Variants in ANKRD44 observed in about 807,000 individuals in gnomAD.
ANKRD44 encodes ankyrin repeat domain 44, also known as serine/threonine-protein phosphatase 6 regulatory ankyrin repeat subunit B.
Under a neutral mutation model 116.0 loss-of-function variants are expected in ANKRD44, and 35 were observed. That is an observed-to-expected ratio of 0.30 (90% confidence interval 0.23 to 0.40). ANKRD44 has a LOEUF of 0.40. ANKRD44 is among the 10% of genes least tolerant of loss of function. ANKRD44 has a pLI of 1.00. For synonymous variants in ANKRD44, 435 were observed against 461.8 expected, an observed-to-expected ratio of 0.94 and a Z score of 0.74; for missense variants, 1,014 against 1,242.6, an observed-to-expected ratio of 0.82 and a Z score of 2.77.
chr2:197,107,357 G>T (rs964719110), intron 9 of ANKRD44, among the ~76,000 whole-genome samples: 6 of 152,174 alleles, frequency 3.9e-5, no homozygotes, highest in Non-Finnish European at 8.8e-5. Flanking sequence ...TCTGAGGGGG[G>T]TGCCTAGGGC....
chr2:197,215,091 G>GGGGCC (rs1224568360), intron 1 of ANKRD44, among the ~76,000 whole-genome samples: 1 of 152,100 alleles, frequency 6.6e-6, no homozygotes, highest in Non-Finnish European at 1.5e-5. Flanking sequence ...GGCCAGGCTG[G>GGGGCC]TCTCGAACTC....
chr2:197,009,803 G>C (rs1158426370), intron 18 of ANKRD44, among the ~76,000 whole-genome samples: 1 of 152,142 alleles, frequency 6.6e-6, no homozygotes, highest in Non-Finnish European at 1.5e-5. Context: ...CTTCCTAGCA[G>C]GGTGCATTGA....
At chr2:197,099,706 T>C (rs998108250) in intron 10 of ANKRD44, 110 bp downstream of exon 10, 12 of 1,475,526 alleles carry the variant, frequency 8.1e-6, no homozygotes, top group Non-Finnish European at 9.9e-6. Flanking sequence ...TATAATGGTA[T>C]AGATCCACCT....
At chr2:197,130,088 T>C (rs1032482990) in intron 4 of ANKRD44, among the ~76,000 whole-genome samples, 16 of 152,230 alleles carry the variant, frequency 1.1e-4, no homozygotes, top group African/African-American at 3.9e-4. Context: ...TTTACATTAC[T>C]CTGGGCTGAT....
chr2:197,310,275 C>T (rs1421246751), intron 1 of ANKRD44, among the ~76,000 whole-genome samples: 1 of 150,028 alleles, frequency 6.7e-6, no homozygotes, highest in Non-Finnish European at 1.5e-5. Context: ...ACCTCGAGCC[C>T]CCGGCCCCCT....
At chr2:197,275,568 G>T (rs1252622622) in intron 1 of ANKRD44, among the ~76,000 whole-genome samples, 4 of 152,006 alleles carry the variant, frequency 2.6e-5, no homozygotes, top group Non-Finnish European at 5.9e-5. Flanking sequence ...GCACCATGTT[G>T]GGGGGGTGGG....
intron 9 of ANKRD44, among the ~76,000 whole-genome samples, 189 bp downstream of exon 9, chr2:197,110,577 T>C (rs1225661360): frequency 2.0e-5 from 3 of 152,236 alleles, no homozygotes; most frequent in African/African-American, 7.2e-5. Context: ...TTTATGTTTT[T>C]ACTATTAAGG....
chr2:197,072,788 T>C (rs1267061964), intron 16 of ANKRD44, among the ~76,000 whole-genome samples: 2 of 152,222 alleles, frequency 1.3e-5, no homozygotes, highest in Non-Finnish European at 2.9e-5. Context: ...AGCTATTTAC[T>C]GAACCAGCGA....
rs553673678 is a variant in ANKRD44, at chr2:197,121,085, C to T, written c.906+247G>A. Among the ~76,000 whole-genome samples, 36 of 152,148 alleles carry T rather than the reference C, an allele frequency of 2.4e-4. No individual in the cohort carries two copies. The South Asian group carries it at 6.6e-3, about 28-fold the overall frequency. On this transcript the variant is annotated intron_variant, in intron 8 of 27. Coordinates refer to ENST00000282272, the MANE Select transcript of ANKRD44 (RefSeq NM_001195144.2). Reference sequence around the variant, plus strand: ...CTGAGATTGCAGGCACCCGCCACCACGCCTGGCTAATTTTTGCATTTTTAG... The same window carrying T: ...CTGAGATTGCAGGCACCCGCCACCATGCCTGGCTAATTTTTGCATTTTTAG...
At chr2:197,248,995 G>A (rs1394900689) in intron 1 of ANKRD44, among the ~76,000 whole-genome samples, 10 of 152,150 alleles carry the variant, frequency 6.6e-5, no homozygotes, top group South Asian at 2.1e-4. Flanking sequence ...CTAGCTGGCC[G>A]AGTGAGGTGG....
intron 1 of ANKRD44, among the ~76,000 whole-genome samples, chr2:197,241,959 T>C (rs2082099561): frequency 1.3e-5 from 2 of 152,298 alleles, no homozygotes; most frequent in African/African-American, 4.8e-5. Context: ...TCCCAAACCA[T>C]TTAAAAAAAT....
chr2:197,149,655 A>G (rs1207584590), intron 2 of ANKRD44, among the ~76,000 whole-genome samples: 2 of 152,196 alleles, frequency 1.3e-5, no homozygotes, highest in Non-Finnish European at 2.9e-5. Context: ...AAACAATCAC[A>G]AGTGCTATTA....
intron 2 of ANKRD44, among the ~76,000 whole-genome samples, chr2:197,175,727 G>T (rs1017511273): frequency 9.2e-5 from 14 of 152,164 alleles, no homozygotes; most frequent in Non-Finnish European, 1.8e-4. Context: ...CAGCTCTAGT[G>T]CTACATCTGT....
At chr2:197,228,492 A>G (rs1362728045) in intron 1 of ANKRD44, among the ~76,000 whole-genome samples, 1 of 152,180 alleles carries the variant, frequency 6.6e-6, no homozygotes, top group African/African-American at 2.4e-5. Context: ...ATTGACTTTG[A>G]GTAAGATCAG....
intron 2 of ANKRD44, among the ~76,000 whole-genome samples, chr2:197,167,223 G>GA (rs770236385): frequency 1.8e-3 from 238 of 135,810 alleles, no homozygotes; most frequent in African/African-American, 5.5e-3. Flanking sequence ...TCAGCCAAAA[G>GA]AAAAAAAAAA....
At chr2:197,143,076 G>A (rs1330431734) in intron 3 of ANKRD44, among the ~76,000 whole-genome samples, 1 of 149,304 alleles carries the variant, frequency 6.7e-6, no homozygotes, top group Non-Finnish European at 1.5e-5. Context: ...GCATTAGAGA[G>A]TACTTCCAGT....
chr2:197,153,418 G>A (rs1416996107), intron 2 of ANKRD44, among the ~76,000 whole-genome samples: 2 of 151,870 alleles, frequency 1.3e-5, no homozygotes, highest in Non-Finnish European at 2.9e-5. Flanking sequence ...GATCACTAGA[G>A]GCAAGAAGAT....
chr2:197,230,906 A>C (rs778991381), intron 1 of ANKRD44, among the ~76,000 whole-genome samples: 24 of 152,132 alleles, frequency 1.6e-4, no homozygotes, highest in Non-Finnish European at 2.4e-4. Context: ...AAGGCCAGAA[A>C]ATGGCTGCAT....
At chr2:197,045,603 CT>C (rs2076987906) in intron 16 of ANKRD44, among the ~76,000 whole-genome samples, 1 of 152,164 alleles carries the variant, frequency 6.6e-6, no homozygotes, top group Non-Finnish European at 1.5e-5. Flanking sequence ...GCTCAGGTCC[CT>C]GTTACTCCTC....
Sources: allele counts gnomAD v4.1 joint callset (sites outside exome capture counted in the v4.1 genomes callset), GRCh38; gene constraint gnomAD v4.1.1; transcripts MANE v1.5; gene names NCBI Gene and HGNC (gene_info 2026-07-23, HGNC 2026-07-21).